MELK: variants seen among roughly 807,000 people sequenced by gnomAD.
The protein encoded by MELK is maternal embryonic leucine zipper kinase.
MELK carries 81 observed loss-of-function variants against 85.0 expected under a neutral mutation model. The observed-to-expected ratio is 0.95, with a 90% CI of 0.80 to 1.15. The LOEUF (loss-of-function observed/expected upper bound fraction) is 1.15. Among genes scored for constraint, MELK ranks in the 50% most tolerant of loss-of-function variants. MELK has a pLI of 0.00. For synonymous variants in MELK, 252 were observed against 265.0 expected (o/e 0.95, Z 0.48); for missense variants, 754 against 777.5 (o/e 0.97, Z 0.36).
intron 9 of MELK, among the ~76,000 whole-genome samples, chr9:36,631,400 G>C (rs923897101): frequency 6.6e-6 from 1 of 152,030 alleles, no homozygotes; most frequent in Non-Finnish European, 1.5e-5. Flanking sequence ...CAAGTAGCTG[G>C]GATTACAGGC....
At chr9:36,668,574 G>A (rs1017920033) in intron 14 of MELK, among the ~76,000 whole-genome samples, 4 of 148,146 alleles carry the variant, frequency 2.7e-5, no homozygotes, top group Admixed American at 6.9e-5. Flanking sequence ...GTGCAATGGC[G>A]CGATCTCGGC....
In MELK at chr9:36,674,754, T is replaced by G. The variant is rs116723262; in HGVS notation, c.1675-80T>G. 144 of 803,106 alleles carry G rather than the reference T, an allele frequency of 1.8e-4. 1 individual carries two copies. In the African/African-American group the frequency reaches 2.2e-3, roughly 12 times the overall value. The allele number at this position is 803,106 out of a possible 1,614,324, so 49.7% of individuals were successfully genotyped here. A position where few individuals can be genotyped will look rare whatever the true frequency, so the allele number is the denominator to read the frequency against. ...TTGAAACAGTACTATATTGAGGAGTTTTGGAACTCTTGATCTGGTGTGATG... is the reference window on the plus strand; with the variant it reads ...TTGAAACAGTACTATATTGAGGAGTGTTGGAACTCTTGATCTGGTGTGATG... On this transcript the variant is annotated intron_variant, in intron 16 of 17. Transcript: ENST00000298048.
intron 7 of MELK, among the ~76,000 whole-genome samples, chr9:36,607,120 T>C (rs1193598862): frequency 1.3e-5 from 2 of 152,242 alleles, no homozygotes. Flanking sequence ...TTGAACTTTA[T>C]TAAAGTTCTC....
chr9:36,660,447 A>G (rs1168425991), intron 13 of MELK, among the ~76,000 whole-genome samples: 1 of 151,678 alleles, frequency 6.6e-6, no homozygotes, highest in Non-Finnish European at 1.5e-5. Context: ...CCTCCCGAGT[A>G]TCGGGGACTA....
intron 9 of MELK, 83 bp from the exon 10 acceptor site, chr9:36,633,019 G>A: frequency 1.1e-6 from 1 of 907,260 alleles, no homozygotes; most frequent in Non-Finnish European, 1.8e-6. Context: ...CTGTTCTGAT[G>A]CATTTTTAGT....
chr9:36,658,588 A>G (rs1279620217), intron 13 of MELK, among the ~76,000 whole-genome samples: 1 of 152,158 alleles, frequency 6.6e-6, no homozygotes, highest in African/African-American at 2.4e-5. Flanking sequence ...GAACATATTT[A>G]AAAACTGATT....
chr9:36,665,421 T>G lies in MELK; in HGVS notation c.1248T>G (p.Pro416=), dbSNP rs770444935. ...TAACTCCAGCCTTATGCAGAACACC[T>G]GCAAATAAATTAAAGAACAAAGAAA... ...KSLTPALCRT[P]ANKLKNKENV... The change falls in exon 14 of 18, where the codon CCT becomes CCG. Residue 416 remains proline (P), a synonymous_variant. Coordinates refer to ENST00000298048, the MANE Select transcript of MELK (RefSeq NM_014791.4). The G allele has an allele frequency of 6.2e-7, 1 of 1,613,594 alleles. No individual in the cohort carries two copies. The highest frequency in any genetic ancestry group is 1.1e-5 in the South Asian group (1 of 91,062).
intron 13 of MELK, among the ~76,000 whole-genome samples, chr9:36,657,860 G>A (rs919936303): frequency 2.6e-5 from 4 of 152,212 alleles, no homozygotes; most frequent in Admixed American, 1.3e-4. Context: ...TGGGATTACA[G>A]GCGTGAGCCA....
intron 13 of MELK, among the ~76,000 whole-genome samples, chr9:36,660,100 C>G (rs906850611): frequency 6.6e-6 from 1 of 151,722 alleles, no homozygotes; most frequent in Non-Finnish European, 1.5e-5. Flanking sequence ...TGCCCAGCCC[C>G]TTCTAAAGTC....
Position 36,665,357 on chromosome 9 carries a change from A to C in MELK, c.1184A>C (p.Lys395Thr). The C allele has an allele frequency of 6.3e-7, 1 of 1,594,030 alleles. No homozygotes were observed. Among genetic ancestry groups the C allele is most frequent in the Non-Finnish European group, 8.5e-7 (1 of 1,170,488 alleles). The change falls in exon 14 of 18, where the codon AAG becomes ACG. Residue 395 changes from lysine to threonine, a missense_variant. Lys to Thr is a moderately conservative substitution (Grantham distance 78, BLOSUM62 -1). Coordinates refer to ENST00000298048, the MANE Select transcript of MELK (RefSeq NM_014791.4). ...GTAACTTTTTTTTTCCAGTTTACCA[A>C]GTACTGGACAGAATCAAATGGGGTG... ...AATPRTSQFTKYWTESNGVES... is the reference protein window; with the variant it reads ...AATPRTSQFTTYWTESNGVES...
intron 10 of MELK, among the ~76,000 whole-genome samples, chr9:36,642,344 T>C (rs781133381): frequency 1.8e-4 from 28 of 151,752 alleles, no homozygotes; most frequent in Non-Finnish European, 5.9e-5. Flanking sequence ...AGGTGGCTGC[T>C]CTTTGATGAA....
At chr9:36,584,240 C>T (rs1822592882) in intron 3 of MELK, among the ~76,000 whole-genome samples, 2 of 151,446 alleles carry the variant, frequency 1.3e-5, no homozygotes, top group South Asian at 4.2e-4. Context: ...CTCCTGACCC[C>T]GTGATCTGCC....
intron 10 of MELK, among the ~76,000 whole-genome samples, chr9:36,641,853 C>T (rs1460353479): frequency 6.6e-6 from 1 of 152,062 alleles, no homozygotes; most frequent in African/African-American, 2.4e-5. Flanking sequence ...ATGATCCACC[C>T]ACCTCGGCCT....
At chr9:36,629,591 T>C (rs1045358755) in intron 8 of MELK, among the ~76,000 whole-genome samples, 2 of 152,228 alleles carry the variant, frequency 1.3e-5, no homozygotes, top group Non-Finnish European at 2.9e-5. Flanking sequence ...TCACCAAATA[T>C]GCTTTTCTGC....
At chr9:36,633,374 A>T (rs1337343450) in intron 10 of MELK, among the ~76,000 whole-genome samples, 174 bp downstream of exon 10, 1 of 152,184 alleles carries the variant, frequency 6.6e-6, no homozygotes, top group Non-Finnish European at 1.5e-5. Flanking sequence ...TGCAAATGAG[A>T]ATTACCTGGG....
chr9:36,597,465 A>G (rs1157828812), intron 6 of MELK, among the ~76,000 whole-genome samples, 175 bp downstream of exon 6: 1 of 152,214 alleles, frequency 6.6e-6, no homozygotes, highest in African/African-American at 2.4e-5. Context: ...GATGATCATA[A>G]CATGCAATCA....
intron 1 of MELK, among the ~76,000 whole-genome samples, chr9:36,577,898 C>T (rs898603702): frequency 6.6e-6 from 1 of 152,072 alleles, no homozygotes; most frequent in Non-Finnish European, 1.5e-5. Flanking sequence ...GGTGATCCGC[C>T]TGCCTCAGCC....
At chr9:36,599,108 C>T (rs1023280980) in intron 6 of MELK, among the ~76,000 whole-genome samples, 3 of 152,020 alleles carry the variant, frequency 2.0e-5, no homozygotes, top group African/African-American at 7.2e-5. Context: ...CTAGCCCAGC[C>T]AACATGGCAA....
rs374341087 is a variant in MELK at position 36,677,361 on chromosome 9, G to A, written c.*24G>A. 5.8e-5 allele frequency: 92 copies of A among 1,594,632 alleles called. No homozygotes were observed. The highest frequency in any genetic ancestry group is 2.0e-4 in the African/African-American group (15 of 74,656). On this transcript the variant is annotated 3_prime_UTR_variant, in exon 18 of 18. Transcript: ENST00000298048. ...AATTGATGGATTCTTCCATCCTGCC[G>A]GATGAGTGTGGGTGTGATACAGCCT... is the stretch of plus-strand genomic sequence containing the variant.
Sources: gnomAD v4.1 joint callset for allele counts (sites outside exome capture counted in the v4.1 genomes callset) on GRCh38, gnomAD v4.1.1 for gene constraint, MANE v1.5 for transcripts, NCBI Gene and HGNC (gene_info 2026-07-23, HGNC 2026-07-21) for gene names.